The following NLGN4X variants were observed in gnomAD, a reference collection of about 807,000 sequenced individuals.
The protein encoded by NLGN4X is neuroligin-4, X-linked.
A neutral mutation model predicts 40.3 loss-of-function variants in NLGN4X; 3 were observed. The observed-to-expected ratio is 0.07, with a 90% confidence interval of 0.03 to 0.19. The LOEUF (loss-of-function observed/expected upper bound fraction) is 0.19, where lower values mean the gene tolerates loss of function less well. Ranked by LOEUF, NLGN4X falls within the 10% of genes least tolerant of loss-of-function variation. The pLI, the probability that NLGN4X is intolerant of heterozygous loss-of-function variation, is 1.00. For missense variants in NLGN4X, 382 were observed against 708.3 expected (o/e 0.54, Z 5.23); for synonymous variants, 270 against 306.8 (o/e 0.88, Z 1.25).
intron 1 of NLGN4X, among the ~76,000 whole-genome samples, chrX:6,177,221 C>A (rs1920970704): frequency 8.9e-6 from 1 of 112,024 alleles, no homozygotes; most frequent in Non-Finnish European, 1.9e-5. Context: ...TGCAGTGACA[C>A]CATCTTGACT....
chrX:6,036,230 C>T (rs2037000801), intron 2 of NLGN4X, among the ~76,000 whole-genome samples: 1 of 111,417 alleles, frequency 9.0e-6, no homozygotes, highest in Admixed American at 9.6e-5. Flanking sequence ...GCTCTAGATC[C>T]TTTGCCTTTC....
At position 5,892,986 on chromosome X, in the gene NLGN4X, G is replaced by A; in HGVS notation, c.2282C>T (p.Thr761Ile). The A allele has an allele frequency of 1.7e-6, 2 of 1,211,727 alleles. No homozygotes were observed. Among genetic ancestry groups the A allele is most frequent in the Non-Finnish European group, 2.2e-6 (2 of 895,552 alleles). Residue 761 changes from threonine to isoleucine, a missense_variant, in exon 6 of 6, where the codon ACC becomes ATC. Physicochemically the swap from Thr to Ile is moderately conservative, Grantham distance 89. Transcript: ENST00000381095. ...TLRLTCPPDY[T>I]LTLRRSPDDI... Reference sequence around the variant, plus strand: ...ATCTGGCGACCGGCGCAGCGTGAGGGTGTAGTCTGGCGGGCAGGTGAGCCT... The same window carrying A: ...ATCTGGCGACCGGCGCAGCGTGAGGATGTAGTCTGGCGGGCAGGTGAGCCT...
At chrX:5,930,669 CATT>C (rs1473895562) in intron 3 of NLGN4X, among the ~76,000 whole-genome samples, 1 of 112,276 alleles carries the variant, frequency 8.9e-6, no homozygotes, top group Non-Finnish European at 1.9e-5. Context: ...AAACATGATG[CATT>C]ATATTCTGTG....
rs150117314 is a variant in NLGN4X, at chrX:6,094,483, T to C, written c.472+56512A>G. ...AATGTTTTTCCCTGTGCCAGTGTTA[T>C]AGGAACCCACCGATGCTTCAACCAC... On this transcript the variant is annotated intron_variant, in intron 2 of 5. Transcript: ENST00000381095. 4.6e-3 allele frequency among the ~76,000 whole-genome samples: 513 copies of C among 110,363 alleles called. 4 individuals are homozygous for C. The highest frequency in any genetic ancestry group is 0.016 in the African/African-American group (485 of 30,317).
chrX:5,974,896 T>C (rs115427631), intron 3 of NLGN4X, among the ~76,000 whole-genome samples: 7 of 112,064 alleles, frequency 6.2e-5, no homozygotes, highest in African/African-American at 6.5e-5. Context: ...TTTGGGGCCA[T>C]TGTTAACTGA....
intron 2 of NLGN4X, among the ~76,000 whole-genome samples, chrX:6,112,612 C>A (rs1430390116): frequency 9.8e-6 from 1 of 102,129 alleles, no homozygotes; most frequent in African/African-American, 3.6e-5. Context: ...GAGATGGAGT[C>A]TCGCTCTATC....
intron 1 of NLGN4X, among the ~76,000 whole-genome samples, chrX:6,191,587 T>G (rs111797184): frequency 0.029 from 3,228 of 110,648 alleles, 122 homozygotes; most frequent in African/African-American, 0.099. Context: ...GGAAGGAAGT[T>G]GTGGCTCACA....
chrX:6,071,147 T>C (rs1464910143), intron 2 of NLGN4X, among the ~76,000 whole-genome samples: 2 of 111,523 alleles, frequency 1.8e-5, no homozygotes, highest in African/African-American at 6.5e-5. Context: ...TTCATAAACT[T>C]GGGCAGAGAA....
chrX:6,202,511 T>A (rs1481465227), intron 1 of NLGN4X, among the ~76,000 whole-genome samples: 1 of 108,970 alleles, frequency 9.2e-6, no homozygotes, highest in Non-Finnish European at 1.9e-5. Context: ...CTAATTTTTG[T>A]ACTTTGTGTA....
intron 2 of NLGN4X, among the ~76,000 whole-genome samples, chrX:6,063,451 C>T (rs1052445852): frequency 9.0e-6 from 1 of 111,658 alleles, no homozygotes; most frequent in African/African-American, 3.3e-5. Context: ...AACACTGCAC[C>T]CAGCCTGAAT....
chrX:5,979,377 T>C (rs2147057750), intron 3 of NLGN4X, among the ~76,000 whole-genome samples: 1 of 110,973 alleles, frequency 9.0e-6, no homozygotes, highest in East Asian at 2.8e-4. Context: ...GTTAAATGGC[T>C]GAACCACATG....
chrX:6,186,751 C>G (rs995622778), intron 1 of NLGN4X: 2 of 111,817 alleles, frequency 1.8e-5, no homozygotes, highest in Admixed American at 9.5e-5. Context: ...AACACAGATA[C>G]AAGACATAAG....
intron 3 of NLGN4X, among the ~76,000 whole-genome samples, chrX:5,982,505 T>G (rs2035416432): frequency 8.9e-6 from 1 of 112,369 alleles, no homozygotes. Context: ...TTAGAATAAA[T>G]CAGAAGCCTA....
chrX:6,126,024 G>A (rs901452803), intron 2 of NLGN4X, among the ~76,000 whole-genome samples: 5 of 109,825 alleles, frequency 4.6e-5, no homozygotes, highest in African/African-American at 9.9e-5. Context: ...TGTTATTCCC[G>A]AAATTGAATA....
At chrX:6,008,718 T>C (rs1214586622) in intron 3 of NLGN4X, among the ~76,000 whole-genome samples, 1 of 111,966 alleles carries the variant, frequency 8.9e-6, no homozygotes, top group Admixed American at 9.5e-5. Context: ...TTAAACTATT[T>C]TTTGGTGTAT....
chrX:5,894,000 A>T (rs2031348195), intron 5 of NLGN4X, among the ~76,000 whole-genome samples: 1 of 112,536 alleles, frequency 8.9e-6, no homozygotes, highest in Admixed American at 9.4e-5. Flanking sequence ...CTCTAGGAAA[A>T]ATTTCAGTAT....
chrX:6,081,779 A>G (rs924173276), intron 2 of NLGN4X, among the ~76,000 whole-genome samples: 105 of 112,595 alleles, frequency 9.3e-4, no homozygotes, highest in African/African-American at 3.3e-3. Context: ...AGAAACTAGA[A>G]ACCAAACTCA....
intron 2 of NLGN4X, among the ~76,000 whole-genome samples, chrX:6,059,530 G>A (rs755913624): frequency 1.3e-4 from 15 of 111,685 alleles, no homozygotes; most frequent in Non-Finnish European, 2.6e-4. Context: ...TGTCTGCCTT[G>A]GGTTTCTCAG....
chrX:5,954,087 T>C (rs1024648618), intron 3 of NLGN4X, among the ~76,000 whole-genome samples: 4 of 111,608 alleles, frequency 3.6e-5, no homozygotes, highest in African/African-American at 1.3e-4. Flanking sequence ...TTCCAGGAGA[T>C]GTGGACAGCT....
Sources: allele counts gnomAD v4.1 joint callset (sites outside exome capture counted in the v4.1 genomes callset), GRCh38; gene constraint gnomAD v4.1.1; transcripts MANE v1.5; gene names NCBI Gene and HGNC (gene_info 2026-07-23, HGNC 2026-07-21).